PAK1: variants seen among roughly 807,000 people sequenced by gnomAD.
PAK1 encodes the protein p21 (RAC1) activated kinase 1, also known as serine/threonine-protein kinase PAK 1.
PAK1 carries 29 observed loss-of-function variants against 67.4 expected under a neutral mutation model. The ratio of observed to expected loss-of-function variants is 0.43; its 90% CI spans 0.32 to 0.59. The LOEUF (loss-of-function observed/expected upper bound fraction) is 0.59. Among genes scored for constraint, PAK1 ranks in the 20% least tolerant of loss-of-function variants. The pLI, the probability that PAK1 is intolerant of heterozygous loss-of-function variation, is 0.07. For missense variants in PAK1, 337 were observed against 670.7 expected, an observed-to-expected ratio of 0.50 and a Z score of 5.50; for synonymous variants, 223 against 237.4, an observed-to-expected ratio of 0.94 and a Z score of 0.56.
At chr11:77,426,053 T>C (rs919062411) in intron 1 of PAK1, among the ~76,000 whole-genome samples, 6 of 150,888 alleles carry the variant, frequency 4.0e-5, no homozygotes, top group Admixed American at 2.6e-4. Context: ...ACCAAGCCCA[T>C]TCTTGACTTT....
At chr11:77,455,527 G>C (rs2135432748) in intron 1 of PAK1, among the ~76,000 whole-genome samples, 1 of 152,070 alleles carries the variant, frequency 6.6e-6, no homozygotes, top group African/African-American at 2.4e-5. Flanking sequence ...CAGCATCCTT[G>C]GGGACTCAGT....
At chr11:77,412,088 AT>A (rs1954632810) in intron 1 of PAK1, 1 of 152,226 alleles carries the variant, frequency 6.6e-6, no homozygotes, top group African/African-American at 2.4e-5. Flanking sequence ...GGAGACAGCT[AT>A]CTTCCCACCC....
chr11:77,500,189 C>T, the PAK1 span, among the ~76,000 whole-genome samples: 1 of 152,222 alleles, frequency 6.6e-6, no homozygotes, highest in Non-Finnish European at 1.5e-5. Flanking sequence ...AAAATATAAA[C>T]CGGGTGCGGT....
intron 10 of PAK1, among the ~76,000 whole-genome samples, chr11:77,342,437 C>T (rs1248713026): frequency 6.6e-6 from 1 of 152,160 alleles, no homozygotes; most frequent in African/African-American, 2.4e-5. Context: ...GGGGAACTCA[C>T]CATTTTGTGA....
At chr11:77,373,382 T>A (rs1948686936) in intron 5 of PAK1, among the ~76,000 whole-genome samples, 1 of 151,852 alleles carries the variant, frequency 6.6e-6, no homozygotes, top group African/African-American at 2.4e-5. Flanking sequence ...TAAAAAATTG[T>A]CTGTCTGACA....
Position 77,322,511 on chromosome 11 carries a change from C to A in PAK1, c.*763G>T, listed in dbSNP as rs1938664045. Reference sequence around the variant, plus strand: ...CACCATTTTCCCCGACTTCTCAACACTGCTCTCACTCAGTATGTGCCCTAG... The same window carrying A: ...CACCATTTTCCCCGACTTCTCAACAATGCTCTCACTCAGTATGTGCCCTAG... On this transcript the variant is annotated 3_prime_UTR_variant, in exon 15 of 15. Coordinates refer to ENST00000356341, the MANE Select transcript of PAK1 (RefSeq NM_002576.5). The A allele has an allele frequency of 5.2e-6, 1 of 193,182 alleles. No homozygotes were observed. The highest frequency in any genetic ancestry group is 1.1e-5 in the Non-Finnish European group (1 of 92,396). 12.0% of individuals were successfully genotyped at this position (193,182 alleles called of 1,614,324 possible).
At chr11:77,390,165 T>A (rs1239560060) in intron 2 of PAK1, among the ~76,000 whole-genome samples, 1 of 152,210 alleles carries the variant, frequency 6.6e-6, no homozygotes, top group East Asian at 1.9e-4. Context: ...AGTCAGGAAA[T>A]CAAGGTTAAG....
Position 77,336,171 on chromosome 11 carries a change from G to A in PAK1, c.1328C>T (p.Pro443Leu). 1 of 1,613,852 alleles carries A rather than the reference G, an allele frequency of 6.2e-7. No individual in the cohort carries two copies. Among genetic ancestry groups the A allele is most frequent in the Non-Finnish European group, 8.5e-7 (1 of 1,179,778 alleles). ...GCCCAGGGACCAGATGTCAACCTTG[G>A]GCCCATAGGCCTTTCGTGTCACAAC... is the stretch of plus-strand genomic sequence containing the variant. ...PEVVTRKAYG[P>L]KVDIWSLGIM... The change falls in exon 13 of 15, where the codon CCC (proline) becomes CTC (leucine). Residue 443 changes from proline to leucine, a missense_variant. This residue lies in a region of PAK1 where 71 missense variants were observed against 160.5 expected (regional missense o/e 0.44). Coordinates refer to ENST00000356341, the MANE Select transcript of PAK1 (RefSeq NM_002576.5).
At chr11:77,366,827 C>T (rs894112819) in intron 5 of PAK1, among the ~76,000 whole-genome samples, 3 of 152,184 alleles carry the variant, frequency 2.0e-5, no homozygotes, top group Admixed American at 6.5e-5. Flanking sequence ...TAACCACATG[C>T]CCCAGCAGTT....
intron 4 of PAK1, among the ~76,000 whole-genome samples, chr11:77,376,403 T>C (rs118079555): frequency 0.019 from 2,928 of 152,298 alleles, 50 homozygotes; most frequent in Non-Finnish European, 0.032. Context: ...GTTGTCAATC[T>C]AGTCTACTTT....
At chr11:77,445,274 G>A (rs1956547519) in intron 1 of PAK1, among the ~76,000 whole-genome samples, 1 of 152,250 alleles carries the variant, frequency 6.6e-6, no homozygotes, top group East Asian at 1.9e-4. Flanking sequence ...CAAAAACCTT[G>A]ATTTCAACCT....
chr11:77,495,297 A>C, the PAK1 span, among the ~76,000 whole-genome samples: 1 of 151,714 alleles, frequency 6.6e-6, no homozygotes, highest in South Asian at 2.1e-4. Context: ...AACATGGTGA[A>C]ACCCCATCTC....
chr11:77,468,155 T>C (rs1957685635), intron 1 of PAK1, among the ~76,000 whole-genome samples: 1 of 152,168 alleles, frequency 6.6e-6, no homozygotes, highest in Non-Finnish European at 1.5e-5. Context: ...AGGCTGGAAG[T>C]AGAAAAGTAA....
chr11:77,388,239 T>G (rs1263131515), intron 2 of PAK1, among the ~76,000 whole-genome samples: 1 of 152,262 alleles, frequency 6.6e-6, no homozygotes, highest in African/African-American at 2.4e-5. Flanking sequence ...TTTCTACAGC[T>G]GTATCATTGA....
At chr11:77,349,322 AAC>A (rs1488340909) in intron 8 of PAK1, 35 bp from the exon 9 acceptor site, 21 of 1,537,882 alleles carry the variant, frequency 1.4e-5, no homozygotes, top group Non-Finnish European at 1.9e-5. Flanking sequence ...GAGGGAAAAA[AAC>A]ACAGTGTTCA....
At chr11:77,498,713 T>C in the PAK1 span, among the ~76,000 whole-genome samples, 1 of 141,560 alleles carries the variant, frequency 7.1e-6, no homozygotes, top group African/African-American at 2.6e-5. Context: ...TTTTTTTTTT[T>C]TTTTTTGAGA....
chr11:77,494,330 G>T, the PAK1 span, among the ~76,000 whole-genome samples: 4 of 148,638 alleles, frequency 2.7e-5, no homozygotes, highest in Non-Finnish European at 6.0e-5. Context: ...AGTGTGAAAA[G>T]ATGTCCTTGA....
the PAK1 span, chr11:77,514,833 A>G: frequency 9.1e-4 from 4 of 4,376 alleles, no homozygotes; most frequent in African/African-American, 3.1e-3. Flanking sequence ...CTCAATCCTC[A>G]TAACAATCCT....
chr11:77,488,017 T>C, the PAK1 span, among the ~76,000 whole-genome samples: 759 of 152,310 alleles, frequency 5.0e-3, 4 homozygotes, highest in African/African-American at 0.017. Flanking sequence ...GTCCCAATGG[T>C]AGTAGTCACA....
Sources: allele counts gnomAD v4.1 joint callset (sites outside exome capture counted in the v4.1 genomes callset), GRCh38; gene constraint gnomAD v4.1.1; regional missense constraint gnomAD v4.1.1; transcripts MANE v1.5; gene names NCBI Gene and HGNC (gene_info 2026-07-23, HGNC 2026-07-21).